The following ELMO1 variants were observed in gnomAD, a reference collection of about 807,000 sequenced individuals.
ELMO1 encodes engulfment and cell motility 1, also known as engulfment and cell motility protein 1.
In ELMO1, 26 loss-of-function variants were observed where a neutral mutation model predicts 98.9. That is an observed-to-expected ratio of 0.26 (90% CI 0.19 to 0.36). The LOEUF is 0.36. Ranked by LOEUF, ELMO1 falls within the 10% of genes least tolerant of loss-of-function variation. The probability of loss-of-function intolerance (pLI) is 1.00; values close to 1 mark genes in which losing one functional copy is unlikely to be tolerated. For missense variants in ELMO1, 627 were observed against 935.2 expected, an observed-to-expected ratio of 0.67 and a Z score of 4.30; for synonymous variants, 346 against 346.0, an observed-to-expected ratio of 1.00 and a Z score of 0.00.
rs1364732035 is a variant in ELMO1 at position 37,306,856 on chromosome 7, A to G, written c.192+7994T>C. On this transcript the variant is annotated intron_variant, in intron 4 of 21. Coordinates refer to ENST00000310758, the MANE Select transcript of ELMO1 (RefSeq NM_014800.11). ...TTACCTCAATTATGATGTTAAAAAA[A>G]AAGAAGAGTTCATATCCTAGTCAAA... Among the ~76,000 whole-genome samples, 3 of 152,364 alleles carry G rather than the reference A, an allele frequency of 2.0e-5. No individual in the cohort carries two copies. In the East Asian group the frequency reaches 5.8e-4, roughly 29 times the overall value.
Position 37,375,835 on chromosome 7 carries a change from C to T in ELMO1, c.-73-33072G>A, listed in dbSNP as rs565292349. On this transcript the variant is annotated intron_variant, in intron 1 of 21. Coordinates refer to ENST00000310758, the MANE Select transcript of ELMO1 (RefSeq NM_014800.11). ...CAGCCGTCCAGAGACTGGCAGGCCTCGGCCTAAAGGTCTGGAGACTGAGCA... is the reference window on the plus strand; with the variant it reads ...CAGCCGTCCAGAGACTGGCAGGCCTTGGCCTAAAGGTCTGGAGACTGAGCA... 15 of 771,574 alleles carry T rather than the reference C, an allele frequency of 1.9e-5. No individual in the cohort carries two copies. The African/African-American group carries it at 2.2e-4, about 11-fold the overall frequency. 47.8% of individuals were successfully genotyped at this position (771,574 alleles called of 1,614,324 possible). A position where few individuals can be genotyped will look rare whatever the true frequency, so the allele number is the denominator to read the frequency against.
In ELMO1 at chr7:37,309,017, G is replaced by C. The variant is rs1232574999; in HGVS notation, c.192+5833C>G. ...AGAGGCAGCACAGGAGAAATGCTTG[G>C]AGTCAGGAAACCCTGAAGAGATAAA... is the stretch of plus-strand genomic sequence containing the variant. On this transcript the variant is annotated intron_variant, in intron 4 of 21. Transcript: ENST00000310758. 2.0e-5 allele frequency among the ~76,000 whole-genome samples: 3 copies of C among 152,170 alleles called. No individual in the cohort carries two copies. The East Asian group carries it at 5.8e-4, about 29-fold the overall frequency.
At chr7:36,876,704 G>T (rs187384134) in intron 19 of ELMO1, among the ~76,000 whole-genome samples, 1 of 152,156 alleles carries the variant, frequency 6.6e-6, no homozygotes, top group East Asian at 1.9e-4. Flanking sequence ...TGGCCAAGGT[G>T]GGGTGGGGAA....
chr7:36,925,902 C>T (rs1785530883), intron 16 of ELMO1, among the ~76,000 whole-genome samples: 1 of 152,052 alleles, frequency 6.6e-6, no homozygotes, highest in African/African-American at 2.4e-5. Context: ...TTTCTATCCC[C>T]CAGCACCACC....
At chr7:37,446,096 A>T (rs1805602095) in intron 1 of ELMO1, among the ~76,000 whole-genome samples, 1 of 152,186 alleles carries the variant, frequency 6.6e-6, no homozygotes, top group Non-Finnish European at 1.5e-5. Context: ...AAAAAGCAAA[A>T]GCCCATTACC....
intron 15 of ELMO1, among the ~76,000 whole-genome samples, chr7:37,022,757 G>A (rs923889483): frequency 2.0e-5 from 3 of 152,092 alleles, no homozygotes; most frequent in Non-Finnish European, 2.9e-5. Context: ...GCATACATAC[G>A]CATTCCAAGA....
chr7:37,416,225 T>A (rs1804206733), intron 1 of ELMO1, among the ~76,000 whole-genome samples: 1 of 152,192 alleles, frequency 6.6e-6, no homozygotes, highest in Non-Finnish European at 1.5e-5. Context: ...TTGTCAACTG[T>A]CAGGAAAACT....
intron 15 of ELMO1, among the ~76,000 whole-genome samples, chr7:37,066,823 G>C (rs1435516172): frequency 6.6e-6 from 1 of 152,178 alleles, no homozygotes; most frequent in Admixed American, 6.5e-5. Flanking sequence ...TCAAGAGCTT[G>C]CATGATTTTT....
chr7:37,228,135 A>T (rs1373394613), intron 8 of ELMO1, among the ~76,000 whole-genome samples: 2 of 152,186 alleles, frequency 1.3e-5, no homozygotes, highest in Non-Finnish European at 2.9e-5. Flanking sequence ...CAGATATTCA[A>T]ATGACCTAAT....
intron 16 of ELMO1, among the ~76,000 whole-genome samples, chr7:36,907,884 A>G (rs369437487): frequency 3.5e-4 from 53 of 152,326 alleles, no homozygotes; most frequent in Middle Eastern, 3.4e-3. Context: ...TGGCATTCAC[A>G]ATGGCACTAT....
chr7:36,995,040 C>A (rs1008023257), intron 16 of ELMO1, among the ~76,000 whole-genome samples: 1 of 152,148 alleles, frequency 6.6e-6, no homozygotes, highest in African/African-American at 2.4e-5. Flanking sequence ...GTTCCACACC[C>A]ACAAAATTTA....
At chr7:37,365,256 A>T (rs958126639) in intron 1 of ELMO1, among the ~76,000 whole-genome samples, 1 of 152,210 alleles carries the variant, frequency 6.6e-6, no homozygotes, top group East Asian at 1.9e-4. Context: ...GACACTGGAA[A>T]ATAAAAGAGG....
intron 16 of ELMO1, among the ~76,000 whole-genome samples, chr7:36,981,586 A>G (rs564615013): frequency 6.6e-6 from 1 of 152,298 alleles, no homozygotes; most frequent in South Asian, 2.1e-4. Flanking sequence ...CTTCTCAGTT[A>G]TGGTTTGTTT....
chr7:37,221,456 C>T (rs1377789045), intron 10 of ELMO1, among the ~76,000 whole-genome samples: 1 of 152,162 alleles, frequency 6.6e-6, no homozygotes, highest in African/African-American at 2.4e-5. Flanking sequence ...CTCATATTCC[C>T]ACCCACTTTT....
chr7:37,442,962 ACTCT>A (rs1422033411), intron 1 of ELMO1, among the ~76,000 whole-genome samples: 2 of 152,194 alleles, frequency 1.3e-5, no homozygotes, highest in Non-Finnish European at 1.5e-5. Context: ...GCTCAGATGC[ACTCT>A]CTAAGTATGC....
In ELMO1 at chr7:37,098,211, C is replaced by A. The variant is rs548282997; in HGVS notation, c.1192-1484G>T. Among the ~76,000 whole-genome samples the A allele has an allele frequency of 2.0e-5, 3 of 152,270 alleles. No individual in the cohort carries two copies. The South Asian group carries it at 6.2e-4, about 32-fold the overall frequency. ...CCACAGAATATGAACTCTTCAGTGG[C>A]AGGGACAGGTGTTTTATTCACTTAG... On this transcript the variant is annotated intron_variant, in intron 14 of 21. Transcript: ENST00000310758.
At chr7:37,077,740 G>T (rs1312207179) in intron 15 of ELMO1, among the ~76,000 whole-genome samples, 1 of 152,246 alleles carries the variant, frequency 6.6e-6, no homozygotes, top group East Asian at 1.9e-4. Flanking sequence ...GGGGTAAATG[G>T]TGACCCCAGG....
At chr7:36,976,275 C>T (rs550511990) in intron 16 of ELMO1, among the ~76,000 whole-genome samples, 1 of 152,368 alleles carries the variant, frequency 6.6e-6, no homozygotes, top group South Asian at 2.1e-4. Flanking sequence ...CTCAATTCTA[C>T]TCATACAGAA....
chr7:37,439,952 A>G (rs1024915928), intron 1 of ELMO1, among the ~76,000 whole-genome samples: 3 of 152,152 alleles, frequency 2.0e-5, no homozygotes, highest in Admixed American at 2.0e-4. Context: ...CTTTGCTTCT[A>G]AAGGCCTTTC....
Sources: gnomAD v4.1 joint callset for allele counts (sites outside exome capture counted in the v4.1 genomes callset) on GRCh38, gnomAD v4.1.1 for gene constraint, MANE v1.5 for transcripts, NCBI Gene and HGNC (gene_info 2026-07-23, HGNC 2026-07-21) for gene names.